The following CELSR3 variants were observed in gnomAD, a reference collection of about 807,000 sequenced individuals.
CELSR3 encodes the protein EGF-like protein 1.
In CELSR3, 73 loss-of-function variants were observed where a neutral mutation model predicts 270.0. The observed-to-expected ratio is 0.27, with a 90% CI of 0.22 to 0.33. CELSR3 has a LOEUF of 0.33. Among genes scored for constraint, CELSR3 ranks in the 10% least tolerant of loss-of-function variants. CELSR3 has a pLI of 1.00. For synonymous variants in CELSR3, 1,780 were observed against 1,905.4 expected, an observed-to-expected ratio of 0.93 and a Z score of 1.71; for missense variants, 3,614 against 4,533.8, an observed-to-expected ratio of 0.80 and a Z score of 5.83.
At position 48,650,711 on chromosome 3, in the gene CELSR3, C is replaced by A. The variant is rs961202179; in HGVS notation, c.6371-130G>T. 19 of 1,016,958 alleles carry A rather than the reference C, an allele frequency of 1.9e-5. No homozygotes were observed. The highest frequency in any genetic ancestry group is 3.2e-5 in the South Asian group (2 of 61,834). The allele number at this position is 1,016,958 out of a possible 1,614,324, so 63.0% of individuals were successfully genotyped here. Reference sequence around the variant, plus strand: ...TCCTGCTGGCTTCTCAGGAGCTGACCTGTCAGATTCTGTGACAGGTCAGCA... The same window carrying A: ...TCCTGCTGGCTTCTCAGGAGCTGACATGTCAGATTCTGTGACAGGTCAGCA... On this transcript the variant is annotated intron_variant, in intron 15 of 34. Transcript: ENST00000164024. The surrounding 1 kb of genome is among the most constrained non-coding windows in gnomAD (Gnocchi z 5.1).
chr3:48,650,432 C>CCGGGGGGGGGGGGGGGGGGGGGG lies in CELSR3; in HGVS notation c.6472+47_6472+48insCCCCCCCCCCCCCCCCCCCCCCG. 8.3e-7 allele frequency: 1 copy of CCGGGGGGGGGGGGGGGGGGGGGG among 1,208,942 alleles called. No homozygotes were observed. The highest frequency in any genetic ancestry group is 1.2e-6 in the Non-Finnish European group (1 of 844,584). The allele number at this position is 1,208,942 out of a possible 1,614,324, so 74.9% of individuals were successfully genotyped here. On this transcript the variant is annotated intron_variant, in intron 16 of 34. Coordinates refer to ENST00000164024, the MANE Select transcript of CELSR3 (RefSeq NM_001407.3). The surrounding 1 kb of genome is among the most constrained non-coding windows in gnomAD (Gnocchi z 5.1). ...AGACATGGCTCTAGCAGTCAGAGTACAGGCCCACCCCCACCCTCAGTGATG... is the reference window on the plus strand; with the variant it reads ...AGACATGGCTCTAGCAGTCAGAGTACCGGGGGGGGGGGGGGGGGGGGGGAGGCCCACCCCCACCCTCAGTGATG...
rs1291258678 is a variant in CELSR3 at position 48,640,581 on chromosome 3, G to A, written c.9026-22C>T. The A allele has an allele frequency of 6.5e-7, 1 of 1,533,310 alleles. No homozygotes were observed. The highest frequency in any genetic ancestry group is 8.8e-7 in the Non-Finnish European group (1 of 1,135,602). 95.0% of individuals were successfully genotyped at this position (1,533,310 alleles called of 1,614,324 possible). On this transcript the variant is annotated intron_variant, in intron 33 of 34. Transcript: ENST00000164024. This position sits in a 1 kb window ranked among gnomAD's most constrained non-coding sequence, Gnocchi z 7.5. ...ATGCCTGTGAGAGGAAGAAAATGGG[G>A]GGCAGGGTTTGTGTGGGAGGGGGAG...
At position 48,661,044 on chromosome 3, in the gene CELSR3, C is replaced by T; in HGVS notation, c.1591G>A (p.Val531Ile). The change falls in exon 1 of 35, where the codon GTA (valine) becomes ATA (isoleucine). Residue 531 changes from valine (V) to isoleucine (I), a missense_variant. Val to Ile is a conservative substitution (Grantham distance 29). Transcript: ENST00000164024. ...EPGPRSATVR[V>I]HITVLDENDN... is the part of the protein sequence containing the mutation. ...TTCTCGTCTAGCACAGTTATGTGTA[C>T]GCGCACAGTGGCCGAGCGCGGCCCG... 1.9e-6 allele frequency: 3 copies of T among 1,613,824 alleles called. No individual in the cohort carries two copies. The highest frequency in any genetic ancestry group is 2.5e-6 in the Non-Finnish European group (3 of 1,180,034).
rs768477181 is a variant in CELSR3 at position 48,662,448 on chromosome 3, G to A, written c.187C>T (p.Leu63Phe). Residue 63 changes from leucine (L) to phenylalanine (F), a missense_variant, in exon 1 of 35, where the codon CTT becomes TTT. By Grantham distance (22) the Leu-to-Phe change is conservative. Transcript: ENST00000164024. The surrounding 1 kb of genome is among the most constrained non-coding windows in gnomAD (Gnocchi z 7.1). Reference protein sequence around the residue: ...RAHIGGGALALCPESSGVRED... With the variant: ...RAHIGGGALAFCPESSGVRED... ...CGGACCCCGGAAGACTCCGGACAAA[G>A]AGCTAAGGCTCCGCCACCGATATGC... is the stretch of plus-strand genomic sequence containing the variant. 1.2e-6 allele frequency: 2 copies of A among 1,612,752 alleles called. No homozygotes were observed. Among genetic ancestry groups the A allele is most frequent in the South Asian group, 1.1e-5 (1 of 91,070 alleles).
At position 48,657,104 on chromosome 3, in the gene CELSR3, C is replaced by T. The variant is rs1559481240; in HGVS notation, c.3993G>A (p.Ser1331=). ...VGGTVLNVSF[S]ALAPRGAGAG... Reference sequence around the variant, plus strand: ...CCCCGGCCCCACGTGGAGCTAGCGCCGAGAAACTCACATTGAGCACGGTGC... The same window carrying T: ...CCCCGGCCCCACGTGGAGCTAGCGCTGAGAAACTCACATTGAGCACGGTGC... The change falls in exon 2 of 35, where the codon TCG becomes TCA. Residue 1331 remains serine, a synonymous_variant. Coordinates refer to ENST00000164024, the MANE Select transcript of CELSR3 (RefSeq NM_001407.3). This position sits in a 1 kb window ranked among gnomAD's most constrained non-coding sequence, Gnocchi z 5.4. 1 of 1,613,922 alleles carries T rather than the reference C, an allele frequency of 6.2e-7. No homozygotes were observed. Among genetic ancestry groups the T allele is most frequent in the South Asian group, 1.1e-5 (1 of 91,086 alleles).
chr3:48,650,767 G>C lies in CELSR3; in HGVS notation c.6370+125C>G. On this transcript the variant is annotated intron_variant, in intron 15 of 34. Transcript: ENST00000164024. This position sits in a 1 kb window ranked among gnomAD's most constrained non-coding sequence, Gnocchi z 5.1. ...CTTGGGGCAAAGGTAGGGTTCCCTG[G>C]GTGTAAGTGGTCTCCCTCAGGAGAA... The C allele has an allele frequency of 8.7e-7, 1 of 1,153,124 alleles. No homozygotes were observed. Among genetic ancestry groups the C allele is most frequent in the Non-Finnish European group, 1.2e-6 (1 of 819,540 alleles). 71.4% of individuals were successfully genotyped at this position (1,153,124 alleles called of 1,614,324 possible).
chr3:48,648,999 CT>C, intron 17 of CELSR3, 71 bp from the exon 18 acceptor site: 1 of 1,572,150 alleles, frequency 6.4e-7, no homozygotes, highest in East Asian at 2.3e-5. Flanking sequence ...GGGAGAAAGC[CT>C]TGCCAGATTA....
chr3:48,638,211 G>A lies in CELSR3; in HGVS notation c.9933C>T (p.His3311=), dbSNP rs1235829926. 6.2e-7 allele frequency: 1 copy of A among 1,612,924 alleles called. No homozygotes were observed. The highest frequency in any genetic ancestry group is 8.5e-7 in the Non-Finnish European group (1 of 1,179,158). The change falls in exon 35 of 35, where the codon CAC becomes CAT. Residue 3311 remains histidine, a synonymous_variant. Coordinates refer to ENST00000164024, the MANE Select transcript of CELSR3 (RefSeq NM_001407.3). The part of the protein sequence containing the change: ...PDSEVPRSEG[H]S ...CGTCCACGCCGTCATCCCCTCAGGA[G>A]TGACCCTCACTTCTGGGAACTCTGG...
rs1475494449 is a variant in CELSR3 at position 48,646,081 on chromosome 3, G to A, written c.7463+9C>T. The A allele has an allele frequency of 1.9e-6, 3 of 1,611,794 alleles. No individual in the cohort carries two copies. The highest frequency in any genetic ancestry group is 2.5e-6 in the Non-Finnish European group (3 of 1,179,390). On this transcript the variant is annotated intron_variant, in intron 22 of 34. Coordinates refer to ENST00000164024, the MANE Select transcript of CELSR3 (RefSeq NM_001407.3). The surrounding 1 kb of genome is among the most constrained non-coding windows in gnomAD (Gnocchi z 4.8). ...CGGGACCAAGGGTTTCCAGAATGGG[G>A]GTCCTCACAGGCCAGGTGGGTCCCA...
rs1357312015 is a variant in CELSR3 at position 48,648,438 on chromosome 3, T to C, written c.6801A>G (p.Ala2267=). 1.9e-6 allele frequency: 3 copies of C among 1,583,980 alleles called. No individual in the cohort carries two copies. The highest frequency in any genetic ancestry group is 2.6e-6 in the Non-Finnish European group (3 of 1,167,258). ...FNENLLWAGS[A]LLAPETGDLW... The stretch of plus-strand genomic sequence containing the variant: ...AGTCCCCTGTCTCTGGGGCAAGCAG[T>C]GCAGAGCCGGCCCACAGCAGATTCT... The change falls in exon 19 of 35, where the codon GCA becomes GCG. Residue 2267 remains alanine, a synonymous_variant. Transcript: ENST00000164024.
rs762610975 is a variant in CELSR3 at position 48,661,485 on chromosome 3, G to C, written c.1150C>G (p.Leu384Val). 1 of 1,604,964 alleles carries C rather than the reference G, an allele frequency of 6.2e-7. No homozygotes were observed. The highest frequency in any genetic ancestry group is 8.5e-7 in the Non-Finnish European group (1 of 1,175,678). ...TCCAGAGCTGCCGCCGTACGGATAA[G>C]GCCGCTCTGCGGGTCGATGCTGAAC... is the stretch of plus-strand genomic sequence containing the variant. Reference protein sequence around the residue: ...ELFSIDPQSGLIRTAAALDRE... With the variant: ...ELFSIDPQSGVIRTAAALDRE... Residue 384 changes from leucine (L) to valine (V), a missense_variant, in exon 1 of 35, where the codon CTT (leucine) becomes GTT (valine). Coordinates refer to ENST00000164024, the MANE Select transcript of CELSR3 (RefSeq NM_001407.3).
At chr3:48,638,477 T>C (rs186186127) in intron 34 of CELSR3, among the ~76,000 whole-genome samples, 147 of 152,272 alleles carry the variant, frequency 9.7e-4, no homozygotes, top group Non-Finnish European at 1.7e-3. Flanking sequence ...GCACCTACTG[T>C]TTACAGATGC....
In CELSR3 at chr3:48,650,876, G is replaced by A. The variant is rs1237711499; in HGVS notation, c.6370+16C>T. 1.9e-6 allele frequency: 3 copies of A among 1,608,306 alleles called. No homozygotes were observed. The highest frequency in any genetic ancestry group is 2.2e-4 in the Middle Eastern group (1 of 4,500). Reference sequence around the variant, plus strand: ...AACCAGCCCTCTATGGGTGGAGCTGGGTGGAGCCTGCTCACCCCGGCAGCC... The same window carrying A: ...AACCAGCCCTCTATGGGTGGAGCTGAGTGGAGCCTGCTCACCCCGGCAGCC... On this transcript the variant is annotated intron_variant, in intron 15 of 34. Coordinates refer to ENST00000164024, the MANE Select transcript of CELSR3 (RefSeq NM_001407.3). The surrounding 1 kb of genome is among the most constrained non-coding windows in gnomAD (Gnocchi z 5.1).
At position 48,658,936 on chromosome 3, in the gene CELSR3, C is replaced by A. The variant is rs1575545622; in HGVS notation, c.3699G>T (p.Lys1233Asn). The part of the protein sequence containing the change: ...QTSGELRLSR[K>N]LDNNRPLVAS... ...CCACCAGTGGGCGGTTATTGTCTAGCTTTCGGCTGAGTCGCAGCTCCCCAC... is the reference window on the plus strand; with the variant it reads ...CCACCAGTGGGCGGTTATTGTCTAGATTTCGGCTGAGTCGCAGCTCCCCAC... Residue 1233 changes from lysine to asparagine, a missense_variant, in exon 1 of 35, where the codon AAG becomes AAT. Around this residue, in one of 7 missense-constraint regions of CELSR3, gnomAD observed 1,331 missense variants for 1,933.7 expected, o/e 0.69. Transcript: ENST00000164024. The surrounding 1 kb of genome is among the most constrained non-coding windows in gnomAD (Gnocchi z 4.7). 1 of 1,614,200 alleles carries A rather than the reference C, an allele frequency of 6.2e-7. No homozygotes were observed.
At chr3:48,638,948 G>A (rs532159348) in intron 34 of CELSR3, among the ~76,000 whole-genome samples, 2 of 144,702 alleles carry the variant, frequency 1.4e-5, no homozygotes, top group South Asian at 4.3e-4. Context: ...TGACCCAGCT[G>A]TTTCTCCTCC....
rs148729809 is a variant in CELSR3 at position 48,648,364 on chromosome 3, G to T, written c.6875C>A (p.Ala2292Glu). ...QRAPGGSPGS[A>E]GLVRHLEEYA... is the part of the protein sequence containing the mutation. ...CTCCTCCAGGTGCCTCACCAGTCCC[G>T]CGCTGCCTGGGGAGCCCCCAGGGGC... Residue 2292 changes from alanine (A) to glutamate (E), a missense_variant, in exon 19 of 35, where the codon GCG becomes GAG. By Grantham distance (107) the Ala-to-Glu change is moderately radical. Coordinates refer to ENST00000164024, the MANE Select transcript of CELSR3 (RefSeq NM_001407.3). The T allele has an allele frequency of 1.9e-5, 31 of 1,611,496 alleles. No homozygotes were observed. In the African/African-American group the frequency reaches 3.2e-4, roughly 17 times the overall value.
rs1221744677 is a variant in CELSR3 at position 48,639,131 on chromosome 3, A to G, written c.9911+543T>C. Among the ~76,000 whole-genome samples the G allele has an allele frequency of 6.6e-6, 1 of 152,046 alleles. No homozygotes were observed. The highest frequency in any genetic ancestry group is 1.9e-4 in the East Asian group (1 of 5,180). ...CCCGAGATGAACCAGGTTCCAACTC[A>G]GTTCCTGTGAGCCCCACCCCAAAGT... On this transcript the variant is annotated intron_variant, in intron 34 of 34. Transcript: ENST00000164024. The surrounding 1 kb of genome is among the most constrained non-coding windows in gnomAD (Gnocchi z 4.1).
chr3:48,649,122 A>C lies in CELSR3; in HGVS notation c.6566T>G (p.Leu2189Arg). 1 of 1,611,276 alleles carries C rather than the reference A, an allele frequency of 6.2e-7. No homozygotes were observed. Among genetic ancestry groups the C allele is most frequent in the South Asian group, 1.1e-5 (1 of 90,530 alleles). ...AGGAAAAGGTCTGGGCAGTCTCACCAGCAGACTGAGCTCTCGAAAGGCAGG... is the reference window on the plus strand; with the variant it reads ...AGGAAAAGGTCTGGGCAGTCTCACCCGCAGACTGAGCTCTCGAAAGGCAGG... ...TSPAFRELSL[L>R]LDGLELNKTA... The change falls in exon 17 of 35, where the codon CTG becomes CGG. Residue 2189 changes from leucine (L) to arginine (R), a missense_variant and splice_region_variant. Physicochemically the swap from Leu to Arg is moderately radical, Grantham distance 102. Around this residue, in one of 7 missense-constraint regions of CELSR3, gnomAD observed 1,331 missense variants for 1,933.7 expected, o/e 0.69. Transcript: ENST00000164024.
chr3:48,661,014 TGTC>T lies in CELSR3; in HGVS notation c.1618_1620del (p.Asp540del), dbSNP rs763840175. On this transcript the variant is annotated inframe_deletion, in exon 1 of 35. Transcript: ENST00000164024. ...CGCTTCTCGCTGAACTGAGGAGCAT[TGTC>T]GTTCTCGTCTAGCACAGTTATGTGT... 1 of 1,613,784 alleles carries T rather than the reference TGTC, an allele frequency of 6.2e-7. No individual in the cohort carries two copies. Among genetic ancestry groups the T allele is most frequent in the African/African-American group, 1.3e-5 (1 of 74,960 alleles).
Sources: allele counts gnomAD v4.1 joint callset (sites outside exome capture counted in the v4.1 genomes callset), GRCh38; gene constraint gnomAD v4.1.1; regional missense constraint gnomAD v4.1.1; non-coding constraint Gnocchi (gnomAD v3.1); transcripts MANE v1.5; gene names NCBI Gene and HGNC (gene_info 2026-07-23, HGNC 2026-07-21).